NR3C2: variants seen among roughly 807,000 people sequenced by gnomAD.
The protein encoded by NR3C2 is nuclear receptor subfamily 3 group C member 2.
NR3C2 carries 15 observed loss-of-function variants against 86.4 expected under a neutral mutation model. That is an observed-to-expected ratio of 0.17 (90% CI 0.12 to 0.27). The LOEUF (loss-of-function observed/expected upper bound fraction) is 0.27. Ranked by LOEUF, NR3C2 falls within the 10% of genes least tolerant of loss-of-function variation. NR3C2 has a pLI of 1.00. For synonymous variants in NR3C2, 458 were observed against 450.5 expected (o/e 1.02, Z -0.21); for missense variants, 960 against 1,195.6 (o/e 0.80, Z 2.91).
At chr4:148,394,014 G>C (rs1437573871) in intron 2 of NR3C2, among the ~76,000 whole-genome samples, 1 of 152,200 alleles carries the variant, frequency 6.6e-6, no homozygotes, top group Non-Finnish European at 1.5e-5. Flanking sequence ...GGGCATTGCA[G>C]CTCTCACCTT....
In NR3C2 at chr4:148,154,872, T is replaced by C. The variant is rs1393344503; in HGVS notation, c.2044A>G (p.Lys682Glu). ...ARKSKKLGKL[K>E]GIHEEQPQQQ... ...TGTGGCTGCTCCTCGTGAATCCCTT[T>C]TAACTTTCCCAACTTCTTTGACTTT... Residue 682 changes from lysine to glutamate, a missense_variant, in exon 5 of 9, where the codon AAA becomes GAA. By Grantham distance (56) the Lys-to-Glu change is moderately conservative (BLOSUM62 1). Around this residue, in one of 4 missense-constraint regions of NR3C2, gnomAD observed 47 missense variants for 107.3 expected, o/e 0.44. Transcript: ENST00000358102. 6.4e-7 allele frequency: 1 copy of C among 1,573,478 alleles called. No individual in the cohort carries two copies. Among genetic ancestry groups the C allele is most frequent in the Non-Finnish European group, 8.6e-7 (1 of 1,158,240 alleles).
At chr4:148,443,387 C>G (rs1750450111), upstream of NR3C2, among the ~76,000 whole-genome samples, 1 of 151,860 alleles carries the variant, frequency 6.6e-6, no homozygotes, top group Non-Finnish European at 1.5e-5. Context: ...AGCAAGCTTA[C>G]CATCGAGGAT....
At chr4:148,332,423 C>CT (rs145165953) in intron 2 of NR3C2, among the ~76,000 whole-genome samples, 43,724 of 152,062 alleles carry the variant, frequency 0.29, 7,050 homozygotes, top group Middle Eastern at 0.43. Context: ...CTGGGAATGT[C>CT]TTTTTTCCCT....
intron 2 of NR3C2, among the ~76,000 whole-genome samples, chr4:148,321,233 G>A (rs1482541521): frequency 7.4e-6 from 1 of 135,276 alleles, no homozygotes; most frequent in Non-Finnish European, 1.7e-5. Context: ...TTGCACTGTG[G>A]TCTGAGAGAC....
chr4:148,156,573 A>G (rs1237032310), intron 4 of NR3C2, among the ~76,000 whole-genome samples: 1 of 152,252 alleles, frequency 6.6e-6, no homozygotes, highest in Non-Finnish European at 1.5e-5. Context: ...ATCACTGGCC[A>G]TCAGAGAAAT....
At chr4:148,092,592 G>A (rs1731106179) in intron 8 of NR3C2, among the ~76,000 whole-genome samples, 1 of 152,200 alleles carries the variant, frequency 6.6e-6, no homozygotes, top group South Asian at 2.1e-4. Context: ...GTAGCATGTT[G>A]CTAGTTTTAT....
chr4:148,111,588 T>C (rs80324002), intron 8 of NR3C2, among the ~76,000 whole-genome samples: 4,188 of 152,220 alleles, frequency 0.028, 189 homozygotes, highest in African/African-American at 0.094. Context: ...CAACCATCAA[T>C]AGGTGACTGC....
chr4:148,423,396 T>C (rs936753453), intron 2 of NR3C2, among the ~76,000 whole-genome samples: 2 of 152,190 alleles, frequency 1.3e-5, no homozygotes, highest in Non-Finnish European at 2.9e-5. Flanking sequence ...CCTTGAATAC[T>C]CTCCCTACTT....
chr4:148,278,814 G>C (rs907168756), intron 2 of NR3C2, among the ~76,000 whole-genome samples: 3 of 151,844 alleles, frequency 2.0e-5, no homozygotes, highest in African/African-American at 7.3e-5. Context: ...ACTAGGTAAA[G>C]AGACAAAGTA....
intron 6 of NR3C2, among the ~76,000 whole-genome samples, chr4:148,125,614 GT>G (rs1732708416): frequency 6.6e-6 from 1 of 152,060 alleles, no homozygotes; most frequent in Admixed American, 6.6e-5. Context: ...ATTTCTGTGT[GT>G]TTAGAAAAAT....
intron 3 of NR3C2, chr4:148,200,898 A>C (rs1453249786): frequency 2.0e-5 from 3 of 152,166 alleles, no homozygotes; most frequent in Non-Finnish European, 4.4e-5. Context: ...TCTAAATCAA[A>C]TGATTCTAAC....
chr4:148,304,276 G>T (rs1381259719), intron 2 of NR3C2, among the ~76,000 whole-genome samples: 1 of 149,274 alleles, frequency 6.7e-6, no homozygotes, highest in African/African-American at 2.5e-5. Flanking sequence ...GAGTTCAGGA[G>T]AAGGGAACCC....
At chr4:148,251,090 C>A (rs2149860272) in intron 3 of NR3C2, among the ~76,000 whole-genome samples, 1 of 152,190 alleles carries the variant, frequency 6.6e-6, no homozygotes, top group African/African-American at 2.4e-5. Context: ...GCTGAGACTG[C>A]AAGCATGCAC....
chr4:148,123,595 C>A (rs1280697910), intron 6 of NR3C2, among the ~76,000 whole-genome samples: 1 of 152,198 alleles, frequency 6.6e-6, no homozygotes, highest in Non-Finnish European at 1.5e-5. Flanking sequence ...TGTGATGCCA[C>A]CCCCAGTGGC....
At chr4:148,133,521 A>G (rs1197731576) in intron 6 of NR3C2, among the ~76,000 whole-genome samples, 2 of 152,238 alleles carry the variant, frequency 1.3e-5, no homozygotes. Context: ...TTAAATGCTA[A>G]TTTAGAAACG....
At chr4:148,168,359 C>T (rs547589885) in intron 4 of NR3C2, among the ~76,000 whole-genome samples, 5 of 152,304 alleles carry the variant, frequency 3.3e-5, no homozygotes, top group African/African-American at 1.2e-4. Flanking sequence ...GAATGAGAGC[C>T]TTCTAGACCC....
upstream of NR3C2, chr4:148,444,411 C>G: frequency 1.0e-6 from 1 of 986,042 alleles, no homozygotes; most frequent in Non-Finnish European, 1.2e-6. Flanking sequence ...CACCTCCGCT[C>G]GCCAACCCGC....
chr4:148,256,280 A>G (rs1357178384), intron 3 of NR3C2, among the ~76,000 whole-genome samples: 1 of 152,178 alleles, frequency 6.6e-6, no homozygotes, highest in East Asian at 1.9e-4. Context: ...ACAAAATAAC[A>G]TTACAGGAAT....
At chr4:148,233,575 G>C (rs1370711811) in intron 3 of NR3C2, among the ~76,000 whole-genome samples, 1 of 151,994 alleles carries the variant, frequency 6.6e-6, no homozygotes, top group Non-Finnish European at 1.5e-5. Context: ...GTCCAGGCTG[G>C]TCTCAAACTC....
Sources: allele counts gnomAD v4.1 joint callset (sites outside exome capture counted in the v4.1 genomes callset), GRCh38; gene constraint gnomAD v4.1.1; regional missense constraint gnomAD v4.1.1; transcripts MANE v1.5; gene names NCBI Gene and HGNC (gene_info 2026-07-23, HGNC 2026-07-21).